The following HS3ST4 variants were observed in gnomAD, a reference collection of about 807,000 sequenced individuals.
The protein encoded by HS3ST4 is heparan sulfate glucosamine 3-O-sulfotransferase 4.
A neutral mutation model predicts 29.2 loss-of-function variants in HS3ST4; 17 were observed. The ratio of observed to expected loss-of-function variants is 0.58; its 90% CI spans 0.40 to 0.87. The LOEUF (loss-of-function observed/expected upper bound fraction) is 0.87, where lower values mean the gene tolerates loss of function less well. Among genes scored for constraint, HS3ST4 ranks in the 40% least tolerant of loss-of-function variants. HS3ST4 has a pLI of 0.00. For synonymous variants in HS3ST4, 314 were observed against 285.7 expected (o/e 1.10, Z -1.00); for missense variants, 627 against 634.5 (o/e 0.99, Z 0.13).
chr16:26,019,648 A>G (rs1969392933), intron 1 of HS3ST4, among the ~76,000 whole-genome samples: 2 of 151,956 alleles, frequency 1.3e-5, no homozygotes, highest in Non-Finnish European at 2.9e-5. Flanking sequence ...GGGATCTAGA[A>G]CACCACTTCT....
At chr16:25,867,942 CAGAT>C (rs935530925) in intron 1 of HS3ST4, among the ~76,000 whole-genome samples, 7 of 151,778 alleles carry the variant, frequency 4.6e-5, no homozygotes, top group East Asian at 3.9e-4. Flanking sequence ...GGAAGATAGA[CAGAT>C]AGAGACAGGC....
At chr16:25,953,595 G>A (rs1176095449) in intron 1 of HS3ST4, among the ~76,000 whole-genome samples, 1 of 152,196 alleles carries the variant, frequency 6.6e-6, no homozygotes, top group Non-Finnish European at 1.5e-5. Flanking sequence ...CCTCCTGGGT[G>A]AATGGGGATG....
chr16:25,862,116 C>T (rs796372040), intron 1 of HS3ST4, among the ~76,000 whole-genome samples: 2 of 152,132 alleles, frequency 1.3e-5, no homozygotes, highest in African/African-American at 4.8e-5. Flanking sequence ...CAACCTAGAT[C>T]CCTTGTATGC....
At chr16:26,109,748 A>AT (rs1899103470) in intron 1 of HS3ST4, among the ~76,000 whole-genome samples, 2 of 143,644 alleles carry the variant, frequency 1.4e-5, no homozygotes, top group Admixed American at 6.9e-5. Flanking sequence ...TTAGACATTT[A>AT]TTTTTTTTCC....
At chr16:26,000,461 C>T (rs546488691) in intron 1 of HS3ST4, among the ~76,000 whole-genome samples, 7 of 152,210 alleles carry the variant, frequency 4.6e-5, no homozygotes, top group South Asian at 2.1e-4. Context: ...ACTTGGAATA[C>T]GTATGTATCC....
At chr16:25,700,769 A>G (rs758839188) in intron 1 of HS3ST4, among the ~76,000 whole-genome samples, 3 of 152,222 alleles carry the variant, frequency 2.0e-5, no homozygotes, top group Admixed American at 2.0e-4. Context: ...CTGAAATTAT[A>G]ATTCACTAAG....
At chr16:25,902,691 T>TA (rs1316201756) in intron 1 of HS3ST4, among the ~76,000 whole-genome samples, 2 of 151,870 alleles carry the variant, frequency 1.3e-5, no homozygotes, top group African/African-American at 4.8e-5. Context: ...CTACACTTCC[T>TA]AGACTCATGA....
chr16:25,828,242 C>CTTTTTCTGTCTT (rs1371928058), intron 1 of HS3ST4, among the ~76,000 whole-genome samples: 2,316 of 74,980 alleles, frequency 0.031, 266 homozygotes, highest in African/African-American at 0.049. Context: ...TTCTTTCTTT[C>CTTTTTCTGTCTT]TCTTTCTTTC....
Position 25,934,855 on chromosome 16 carries a change from A to G in HS3ST4, c.735-200757A>G, listed in dbSNP as rs1439338320. ...AGTGGAAGATACAGAGATTTCTCAT[A>G]TATTCCCCTGCCCCCGCAACCACGC... On this transcript the variant is annotated intron_variant, in intron 1 of 1. Coordinates refer to ENST00000331351, the MANE Select transcript of HS3ST4 (RefSeq NM_006040.3). Among the ~76,000 whole-genome samples the G allele has an allele frequency of 3.3e-5, 5 of 152,068 alleles. No individual in the cohort carries two copies. In the East Asian group the frequency reaches 9.6e-4, roughly 29 times the overall value.
intron 1 of HS3ST4, among the ~76,000 whole-genome samples, chr16:25,770,100 A>G (rs1222147685): frequency 6.6e-6 from 1 of 152,162 alleles, no homozygotes; most frequent in Non-Finnish European, 1.5e-5. Flanking sequence ...GAGTGCTTAA[A>G]ATTGCAACAG....
intron 1 of HS3ST4, among the ~76,000 whole-genome samples, chr16:25,802,268 C>T (rs1456446523): frequency 1.3e-5 from 2 of 152,006 alleles, no homozygotes; most frequent in Non-Finnish European, 2.9e-5. Context: ...TATTCATTTA[C>T]GTATTACATT....
intron 1 of HS3ST4, among the ~76,000 whole-genome samples, chr16:25,763,747 A>C (rs937039527): frequency 1.3e-5 from 2 of 152,180 alleles, no homozygotes; most frequent in African/African-American, 4.8e-5. Context: ...GGCTAAAGAC[A>C]ATGAAGGCTT....
intron 1 of HS3ST4, among the ~76,000 whole-genome samples, chr16:25,701,112 C>T (rs1966331748): frequency 6.6e-6 from 1 of 152,150 alleles, no homozygotes; most frequent in Non-Finnish European, 1.5e-5. Context: ...CATTCTTTGC[C>T]GTGTTTGTCT....
chr16:26,103,938 T>TA (rs1454737663), intron 1 of HS3ST4, among the ~76,000 whole-genome samples: 2 of 152,176 alleles, frequency 1.3e-5, no homozygotes, highest in Non-Finnish European at 2.9e-5. Context: ...ATTCAATAAA[T>TA]ACACACTCAC....
intron 1 of HS3ST4, among the ~76,000 whole-genome samples, chr16:25,913,285 T>A (rs1968258240): frequency 6.6e-6 from 1 of 152,232 alleles, no homozygotes; most frequent in Non-Finnish European, 1.5e-5. Flanking sequence ...GGTTAAGAGA[T>A]GAGGCTTTTG....
chr16:26,119,908 C>T (rs964900730), intron 1 of HS3ST4, among the ~76,000 whole-genome samples: 26 of 152,002 alleles, frequency 1.7e-4, no homozygotes, highest in Non-Finnish European at 1.6e-4. Context: ...AACAGCAAGC[C>T]GTAGGAAATG....
chr16:25,769,566 A>G (rs1966839425), intron 1 of HS3ST4, among the ~76,000 whole-genome samples: 1 of 152,202 alleles, frequency 6.6e-6, no homozygotes, highest in South Asian at 2.1e-4. Context: ...TGTGCTCAGC[A>G]GGTGGTACCA....
intron 1 of HS3ST4, among the ~76,000 whole-genome samples, chr16:25,985,756 G>C (rs1969055722): frequency 6.6e-6 from 1 of 152,074 alleles, no homozygotes; most frequent in South Asian, 2.1e-4. Context: ...TGGTGATAAT[G>C]GTTCACTACA....
intron 1 of HS3ST4, among the ~76,000 whole-genome samples, chr16:26,040,540 G>A (rs187332974): frequency 5.1e-4 from 77 of 151,854 alleles, no homozygotes; most frequent in Admixed American, 4.0e-3. Flanking sequence ...CCTGACCTCA[G>A]GTGATCCACC....
Sources: gnomAD v4.1 joint callset for allele counts (sites outside exome capture counted in the v4.1 genomes callset) on GRCh38, gnomAD v4.1.1 for gene constraint, MANE v1.5 for transcripts, NCBI Gene and HGNC (gene_info 2026-07-23, HGNC 2026-07-21) for gene names.